HERC1: variants seen among roughly 807,000 people sequenced by gnomAD.
The protein encoded by HERC1 is HECT and RLD domain containing E3 ubiquitin protein ligase family member 1.
In HERC1, 160 loss-of-function variants were observed where a neutral mutation model predicts 554.3. That is an observed-to-expected ratio of 0.29 (90% CI 0.25 to 0.33). The LOEUF (loss-of-function observed/expected upper bound fraction) is 0.33. Among genes scored for constraint, HERC1 ranks in the 10% least tolerant of loss-of-function variants. HERC1 has a pLI of 1.00. For missense variants in HERC1, 4,919 were observed against 5,918.5 expected (o/e 0.83, Z 5.54); for synonymous variants, 2,175 against 2,131.7 (o/e 1.02, Z -0.56).
chr15:63,746,348 GTTTATTTTCT>G (rs2075054357), intron 12 of HERC1, among the ~76,000 whole-genome samples: 1 of 152,014 alleles, frequency 6.6e-6, no homozygotes, highest in Admixed American at 6.6e-5. Flanking sequence ...TACCAAAAGA[GTTTATTTTCT>G]GTATTTTGTA....
intron 25 of HERC1, among the ~76,000 whole-genome samples, chr15:63,704,101 C>T (rs1308667588): frequency 6.6e-6 from 1 of 150,550 alleles, no homozygotes; most frequent in Non-Finnish European, 1.5e-5. Flanking sequence ...TCTATACTGA[C>T]AAAAAAGGAA....
rs1171797806 is a variant in HERC1, at chr15:63,612,206, G to A, written c.14400+45C>T. On this transcript the variant is annotated intron_variant, in intron 77 of 77. Coordinates refer to ENST00000443617, the MANE Select transcript of HERC1 (RefSeq NM_003922.4). This position sits in a 1 kb window ranked among gnomAD's most constrained non-coding sequence, Gnocchi z 5.0. The stretch of plus-strand genomic sequence containing the variant: ...CTGTCTCAACAAAAACAACAATGAA[G>A]CAATAAGGCAGACATTACAAAGGAA... 1.3e-6 allele frequency: 2 copies of A among 1,484,846 alleles called. No individual in the cohort carries two copies. The highest frequency in any genetic ancestry group is 2.0e-5 in the Admixed American group (1 of 49,122). 92.0% of individuals were successfully genotyped at this position (1,484,846 alleles called of 1,614,324 possible).
At position 63,612,225 on chromosome 15, in the gene HERC1, A is replaced by C; in HGVS notation, c.14400+26T>G. 1 of 1,560,244 alleles carries C rather than the reference A, an allele frequency of 6.4e-7. No homozygotes were observed. The highest frequency in any genetic ancestry group is 8.7e-7 in the Non-Finnish European group (1 of 1,147,154). ...AATGAAGCAATAAGGCAGACATTAC[A>C]AAGGAAAAAAGAATAGCTTACTTAC... On this transcript the variant is annotated intron_variant, in intron 77 of 77. Transcript: ENST00000443617. The surrounding 1 kb of genome is among the most constrained non-coding windows in gnomAD (Gnocchi z 5.0).
intron 1 of HERC1, among the ~76,000 whole-genome samples, chr15:63,819,162 A>C (rs2077598880): frequency 6.6e-6 from 1 of 152,210 alleles, no homozygotes; most frequent in African/African-American, 2.4e-5. Flanking sequence ...GCAACTTTAC[A>C]AAGAAATAGC....
chr15:63,680,237 A>C lies in HERC1; in HGVS notation c.6466-77T>G. ...ATTCACAATATCTAACCACATTAGA[A>C]TTGAAAGCTTTTATGAGACAGAACA... On this transcript the variant is annotated intron_variant, in intron 35 of 77. Coordinates refer to ENST00000443617, the MANE Select transcript of HERC1 (RefSeq NM_003922.4). The surrounding 1 kb of genome is among the most constrained non-coding windows in gnomAD (Gnocchi z 5.8). 1 of 1,123,138 alleles carries C rather than the reference A, an allele frequency of 8.9e-7. No individual in the cohort carries two copies. Among genetic ancestry groups the C allele is most frequent in the African/African-American group, 1.6e-5 (1 of 64,162 alleles). 69.6% of individuals were successfully genotyped at this position (1,123,138 alleles called of 1,614,324 possible). A position where few individuals can be genotyped will look rare whatever the true frequency, so the allele number is the denominator to read the frequency against.
chr15:63,749,223 T>C lies in HERC1; in HGVS notation c.2219+144A>G, dbSNP rs1158213715. ...AAAAAGAAATCTAATGTCATTTCTA[T>C]GATAGAGAAAAAGCAATACTATATA... On this transcript the variant is annotated intron_variant, in intron 10 of 77. Coordinates refer to ENST00000443617, the MANE Select transcript of HERC1 (RefSeq NM_003922.4). The surrounding 1 kb of genome is among the most constrained non-coding windows in gnomAD (Gnocchi z 4.1). 3 of 610,208 alleles carry C rather than the reference T, an allele frequency of 4.9e-6. No individual in the cohort carries two copies. Among genetic ancestry groups the C allele is most frequent in the East Asian group, 3.0e-5 (1 of 33,614 alleles). The allele number at this position is 610,208 out of a possible 1,614,324, so 37.8% of individuals were successfully genotyped here. A position where few individuals can be genotyped will look rare whatever the true frequency, so the allele number is the denominator to read the frequency against.
intron 7 of HERC1, among the ~76,000 whole-genome samples, chr15:63,753,607 G>A (rs942295442): frequency 6.6e-6 from 1 of 152,054 alleles, no homozygotes; most frequent in Non-Finnish European, 1.5e-5. Context: ...TAAATTAAAT[G>A]ATACCATTTT....
intron 1 of HERC1, among the ~76,000 whole-genome samples, chr15:63,800,868 G>C (rs955439262): frequency 1.4e-5 from 2 of 146,234 alleles, no homozygotes; most frequent in Admixed American, 7.0e-5. Flanking sequence ...CAGGATGAAG[G>C]CTGGTTGCCA....
intron 68 of HERC1, 90 bp downstream of exon 68, chr15:63,632,619 A>G (rs1224636131): frequency 1.2e-5 from 10 of 836,870 alleles, no homozygotes; most frequent in Admixed American, 6.0e-5. Flanking sequence ...GAACAAAAAA[A>G]GGACTCAATT....
At chr15:63,687,505 T>C (rs2071839927) in intron 33 of HERC1, among the ~76,000 whole-genome samples, 1 of 151,056 alleles carries the variant, frequency 6.6e-6, no homozygotes, top group South Asian at 2.1e-4. Context: ...GCCACTGCAC[T>C]CCAGCCTGGG....
rs1406944964 is a variant in HERC1, at chr15:63,760,435, C to A, written c.1027-2066G>T. ...CAGCCCGGGCAGCAGAGACACCATCCAAAAAAAAAAAAAAAAAAAAGACAC... is the reference window on the plus strand; with the variant it reads ...CAGCCCGGGCAGCAGAGACACCATCAAAAAAAAAAAAAAAAAAAAAGACAC... On this transcript the variant is annotated intron_variant, in intron 3 of 77. Coordinates refer to ENST00000443617, the MANE Select transcript of HERC1 (RefSeq NM_003922.4). Among the ~76,000 whole-genome samples the A allele has an allele frequency of 2.1e-3, 191 of 91,344 alleles. No individual in the cohort carries two copies. The East Asian group carries it at 0.022, about 11-fold the overall frequency. The allele number at this position is 91,344 out of a possible 152,430, so 59.9% of individuals were successfully genotyped here.
chr15:63,621,953 G>A (rs1459979890), intron 74 of HERC1, among the ~76,000 whole-genome samples: 1 of 151,988 alleles, frequency 6.6e-6, no homozygotes, highest in African/African-American at 2.4e-5. Flanking sequence ...CTTTAGCTCA[G>A]GGTAGTTTGA....
chr15:63,702,453 T>C lies in HERC1; in HGVS notation c.4637-3457A>G, dbSNP rs901638310. Reference sequence around the variant, plus strand: ...ACAGTATTTTAACTAATAAGATTTCTGATGCTGCTTAAGTTGCTGTTTTGA... The same window carrying C: ...ACAGTATTTTAACTAATAAGATTTCCGATGCTGCTTAAGTTGCTGTTTTGA... On this transcript the variant is annotated intron_variant, in intron 25 of 77. Coordinates refer to ENST00000443617, the MANE Select transcript of HERC1 (RefSeq NM_003922.4). 6.6e-5 allele frequency among the ~76,000 whole-genome samples: 10 copies of C among 152,358 alleles called. 1 individual carries two copies. Among genetic ancestry groups the C allele is most frequent in the Admixed American group, 6.5e-4 (10 of 15,314 alleles).
At position 63,718,020 on chromosome 15, in the gene HERC1, G is replaced by A. The variant is rs1009279837; in HGVS notation, c.3978+554C>T. 3.3e-5 allele frequency among the ~76,000 whole-genome samples: 5 copies of A among 150,694 alleles called. No individual in the cohort carries two copies. Among genetic ancestry groups the A allele is most frequent in the African/African-American group, 1.2e-4 (5 of 40,972 alleles). On this transcript the variant is annotated intron_variant, in intron 21 of 77. Transcript: ENST00000443617. This position sits in a 1 kb window ranked among gnomAD's most constrained non-coding sequence, Gnocchi z 4.2. ...TCCTAGTTGTGTCCTCCGGAACAAGGAAAACATTTATTTCCTCTCTTACAG... is the reference window on the plus strand; with the variant it reads ...TCCTAGTTGTGTCCTCCGGAACAAGAAAAACATTTATTTCCTCTCTTACAG...
At chr15:63,702,517 T>C (rs529650627) in intron 25 of HERC1, among the ~76,000 whole-genome samples, 1 of 152,344 alleles carries the variant, frequency 6.6e-6, no homozygotes, top group African/African-American at 2.4e-5. Flanking sequence ...TCAGCTTAAA[T>C]ATGAAAACTA....
intron 43 of HERC1, 129 bp from the exon 44 acceptor site, chr15:63,663,333 A>T (rs1199415777): frequency 5.4e-6 from 4 of 741,814 alleles, no homozygotes; most frequent in Non-Finnish European, 6.8e-6. Flanking sequence ...TCAGACCATA[A>T]AACATCAAAT....
In HERC1 at chr15:63,612,193, AAAC is replaced by A. The variant is rs1320379316; in HGVS notation, c.14400+55_14400+57del. ...ACAGAGTGAGACCCTGTCTCAACAA[AAAC>A]AACAATGAAGCAATAAGGCAGACAT... On this transcript the variant is annotated intron_variant, in intron 77 of 77. Coordinates refer to ENST00000443617, the MANE Select transcript of HERC1 (RefSeq NM_003922.4). The surrounding 1 kb of genome is among the most constrained non-coding windows in gnomAD (Gnocchi z 5.0). 56 of 1,458,658 alleles carry A rather than the reference AAAC, an allele frequency of 3.8e-5. No individual in the cohort carries two copies. Among genetic ancestry groups the A allele is most frequent in the Admixed American group, 6.4e-5 (3 of 46,722 alleles). The allele number at this position is 1,458,658 out of a possible 1,614,324, so 90.4% of individuals were successfully genotyped here. A position where few individuals can be genotyped will look rare whatever the true frequency, so the allele number is the denominator to read the frequency against.
intron 25 of HERC1, among the ~76,000 whole-genome samples, chr15:63,705,455 T>C (rs1293120700): frequency 3.3e-5 from 5 of 152,170 alleles, no homozygotes; most frequent in African/African-American, 4.8e-5. Flanking sequence ...TGATGAAATA[T>C]TGCCAAATTT....
chr15:63,746,996 A>T lies in HERC1; in HGVS notation c.2442T>A (p.Ile814=). The T allele has an allele frequency of 6.3e-7, 1 of 1,575,590 alleles. No homozygotes were observed. The highest frequency in any genetic ancestry group is 8.6e-7 in the Non-Finnish European group (1 of 1,160,744). ...LALAGGVATS[I]LGRQAGPLRN... ...GAAGTGGACCTGCCTGCCTCCCGAG[A>T]ATGCTGGTAGCTACCCCTCCCGCAA... Residue 814 remains isoleucine, a synonymous_variant, in exon 12 of 78, where the codon ATT becomes ATA. Coordinates refer to ENST00000443617, the MANE Select transcript of HERC1 (RefSeq NM_003922.4).
Sources: allele counts gnomAD v4.1 joint callset (sites outside exome capture counted in the v4.1 genomes callset), GRCh38; gene constraint gnomAD v4.1.1; non-coding constraint Gnocchi (gnomAD v3.1); transcripts MANE v1.5; gene names NCBI Gene and HGNC (gene_info 2026-07-23, HGNC 2026-07-21).